TMEM161B: variants seen among roughly 807,000 people sequenced by gnomAD.
TMEM161B encodes transmembrane protein 161B.
Under a neutral mutation model 61.8 loss-of-function variants are expected in TMEM161B, and 34 were observed. That is an observed-to-expected ratio of 0.55 (90% confidence interval 0.42 to 0.73). The LOEUF is 0.73. TMEM161B is among the 30% of genes least tolerant of loss of function. The probability of loss-of-function intolerance (pLI) is 0.00; values close to 1 mark genes in which losing one functional copy is unlikely to be tolerated. For missense variants in TMEM161B, 456 were observed against 558.5 expected (o/e 0.82, Z 1.85); for synonymous variants, 167 against 192.8 (o/e 0.87, Z 1.11).
At chr5:88,197,289 C>A (rs557028963) in intron 11 of TMEM161B, among the ~76,000 whole-genome samples, 2 of 152,092 alleles carry the variant, frequency 1.3e-5, no homozygotes, top group Non-Finnish European at 2.9e-5. Context: ...CTTACCATAG[C>A]ATTCTGTAAT....
chr5:88,228,703 C>G (rs1379851511), intron 2 of TMEM161B, among the ~76,000 whole-genome samples, 175 bp from the exon 3 acceptor site: 1 of 152,110 alleles, frequency 6.6e-6, no homozygotes, highest in African/African-American at 2.4e-5. Flanking sequence ...TTTAGATAAA[C>G]ATCCAGCAGA....
At chr5:88,197,312 A>T (rs1749828279) in intron 11 of TMEM161B, among the ~76,000 whole-genome samples, 1 of 152,166 alleles carries the variant, frequency 6.6e-6, no homozygotes, top group Non-Finnish European at 1.5e-5. Flanking sequence ...ATGTAAGTTT[A>T]TAATTGCCTT....
chr5:88,244,642 A>G (rs376675660), intron 1 of TMEM161B, among the ~76,000 whole-genome samples: 4 of 131,944 alleles, frequency 3.0e-5, no homozygotes, highest in African/African-American at 1.2e-4. Flanking sequence ...TTGGTTCCAT[A>G]TGAATTTTAA....
At chr5:88,248,172 A>C (rs1198541719) in intron 1 of TMEM161B, among the ~76,000 whole-genome samples, 1 of 152,112 alleles carries the variant, frequency 6.6e-6, no homozygotes, top group African/African-American at 2.4e-5. Context: ...CAAAAGACAG[A>C]AACACTACAG....
At chr5:88,218,384 G>C (rs1177611772) in intron 5 of TMEM161B, among the ~76,000 whole-genome samples, 5 of 152,102 alleles carry the variant, frequency 3.3e-5, no homozygotes, top group African/African-American at 1.2e-4. Flanking sequence ...CAACACAGGG[G>C]ATGAAAACAG....
At chr5:88,258,979 G>A (rs956231585) in intron 1 of TMEM161B, among the ~76,000 whole-genome samples, 2 of 152,172 alleles carry the variant, frequency 1.3e-5, no homozygotes, top group Non-Finnish European at 2.9e-5. Flanking sequence ...AAGTACTCAC[G>A]GCATTAACTA....
intron 1 of TMEM161B, among the ~76,000 whole-genome samples, chr5:88,255,180 A>C (rs1754808262): frequency 6.6e-6 from 1 of 152,200 alleles, no homozygotes. Context: ...GGTTATTTCC[A>C]ATAGGTTCTT....
chr5:88,257,197 G>C (rs573288578), intron 1 of TMEM161B, among the ~76,000 whole-genome samples: 13 of 152,116 alleles, frequency 8.5e-5, no homozygotes, highest in African/African-American at 2.9e-4. Flanking sequence ...AGACTGGGAG[G>C]GGAGGTTGCA....
chr5:88,214,217 A>AT (rs1747396340), intron 5 of TMEM161B, among the ~76,000 whole-genome samples: 2 of 152,200 alleles, frequency 1.3e-5, no homozygotes, highest in Admixed American at 1.3e-4. Context: ...GAAAATTAAA[A>AT]TTTTAACACA....
intron 1 of TMEM161B, among the ~76,000 whole-genome samples, chr5:88,253,741 T>C (rs570512428): frequency 1.1e-4 from 16 of 152,188 alleles, no homozygotes; most frequent in Non-Finnish European, 1.6e-4. Context: ...CAAGGAACTA[T>C]ATTAGAAATC....
intron 1 of TMEM161B, among the ~76,000 whole-genome samples, chr5:88,243,648 T>C (rs1236055742): frequency 6.6e-6 from 1 of 151,806 alleles, no homozygotes; most frequent in Non-Finnish European, 1.5e-5. Context: ...TAATCTGTTT[T>C]AAGTTATTTG....
At chr5:88,194,107 T>C (rs949898730), downstream of TMEM161B, among the ~76,000 whole-genome samples, 17 of 152,254 alleles carry the variant, frequency 1.1e-4, no homozygotes, top group Middle Eastern at 6.8e-3. Flanking sequence ...ATAGTGAACA[T>C]AGTATGCAAC....
chr5:88,221,400 G>A (rs1044644868), intron 4 of TMEM161B: 5 of 188,096 alleles, frequency 2.7e-5, no homozygotes, highest in Admixed American at 5.5e-5. Context: ...TTGGGAGGCC[G>A]AGGCAGGAGA....
intron 2 of TMEM161B, among the ~76,000 whole-genome samples, chr5:88,237,916 G>A (rs1376299553): frequency 6.6e-6 from 1 of 151,976 alleles, no homozygotes; most frequent in Non-Finnish European, 1.5e-5. Context: ...TCAGGAAAAT[G>A]GCTTACTCAT....
intron 4 of TMEM161B, among the ~76,000 whole-genome samples, chr5:88,224,115 GA>G (rs1749545049): frequency 6.6e-6 from 1 of 152,118 alleles, no homozygotes; most frequent in African/African-American, 2.4e-5. Flanking sequence ...TTTAACCCAA[GA>G]AGGGTCAAAT....
chr5:88,260,535 T>G (rs528026648), intron 1 of TMEM161B, among the ~76,000 whole-genome samples: 16 of 152,274 alleles, frequency 1.1e-4, no homozygotes, highest in Admixed American at 3.9e-4. Flanking sequence ...CACTGCAATC[T>G]CAAACTCCTG....
rs62369787 is a variant in TMEM161B, at chr5:88,245,591, A to G, written c.4-4675T>C. 4.4e-3 allele frequency among the ~76,000 whole-genome samples: 669 copies of G among 152,100 alleles called. 1 individual carries two copies. Among genetic ancestry groups the G allele is most frequent in the Non-Finnish European group, 7.5e-3 (507 of 67,894 alleles). ...CACAAACATATATAATAATTTATTA[A>G]AAGTATATGATTTCTGCTCCTTAAC... On this transcript the variant is annotated intron_variant, in intron 1 of 11. Transcript: ENST00000296595.
intron 1 of TMEM161B, among the ~76,000 whole-genome samples, chr5:88,257,959 T>C (rs964430879): frequency 6.6e-6 from 1 of 152,194 alleles, no homozygotes; most frequent in African/African-American, 2.4e-5. Context: ...TCTTTTTAAA[T>C]GATTCATTTT....
rs369319062 is a variant in TMEM161B, at chr5:88,244,584, C to CTT, written c.4-3670_4-3669dup. 6.2e-3 allele frequency among the ~76,000 whole-genome samples: 724 copies of CTT among 115,966 alleles called. 19 individuals are homozygous for CTT. The highest frequency in any genetic ancestry group is 0.019 in the African/African-American group (589 of 31,624). The allele number at this position is 115,966 out of a possible 152,430, so 76.1% of individuals were successfully genotyped here. On this transcript the variant is annotated intron_variant, in intron 1 of 11. Coordinates refer to ENST00000296595, the MANE Select transcript of TMEM161B (RefSeq NM_153354.5). Reference sequence around the variant, plus strand: ...GAGTAATGTGATGCCTCCAGCTTTGCTTTTTTTTTTTTTTTTGCTTAGGAG... The same window carrying CTT: ...GAGTAATGTGATGCCTCCAGCTTTGCTTTTTTTTTTTTTTTTTTGCTTAGGAG...
Sources: allele counts gnomAD v4.1 joint callset (sites outside exome capture counted in the v4.1 genomes callset), GRCh38; gene constraint gnomAD v4.1.1; transcripts MANE v1.5; gene names NCBI Gene and HGNC (gene_info 2026-07-23, HGNC 2026-07-21).